RBBP6: variants seen among roughly 807,000 people sequenced by gnomAD.
RBBP6 encodes the protein E3 ubiquitin-protein ligase RBBP6.
A neutral mutation model predicts 167.7 loss-of-function variants in RBBP6; 25 were observed. The ratio of observed to expected loss-of-function variants is 0.15; its 90% CI spans 0.11 to 0.21. The LOEUF (loss-of-function observed/expected upper bound fraction) is 0.21, where lower values mean the gene tolerates loss of function less well. Ranked by LOEUF, RBBP6 falls within the 10% of genes least tolerant of loss-of-function variation. RBBP6 has a pLI of 1.00. For missense variants in RBBP6, 1,868 were observed against 2,134.2 expected (o/e 0.88, Z 2.46); for synonymous variants, 789 against 735.8 (o/e 1.07, Z -1.17).
chr16:24,545,258 G>A (rs1898614473), intron 1 of RBBP6, among the ~76,000 whole-genome samples: 1 of 152,086 alleles, frequency 6.6e-6, no homozygotes, highest in Non-Finnish European at 1.5e-5. Flanking sequence ...ATTTTTAGTA[G>A]AGATGGGGTT....
At chr16:24,561,761 T>C in intron 9 of RBBP6, 46 bp downstream of exon 9, 1 of 1,606,842 alleles carries the variant, frequency 6.2e-7, no homozygotes, top group Non-Finnish European at 8.5e-7. Context: ...TTTAACTGAT[T>C]TAACTGTACT....
At chr16:24,541,181 CAAAA>C (rs751954607) in intron 1 of RBBP6, among the ~76,000 whole-genome samples, 2 of 58,026 alleles carry the variant, frequency 3.4e-5, no homozygotes, top group African/African-American at 1.3e-4. Context: ...GTTCAATCAG[CAAAA>C]AAAAAAACAA....
chr16:24,552,055 G>T (rs1567272935), intron 3 of RBBP6, among the ~76,000 whole-genome samples: 1 of 151,734 alleles, frequency 6.6e-6, no homozygotes, highest in Non-Finnish European at 1.5e-5. Context: ...GGCAAATTAT[G>T]TAGATATGCA....
chr16:24,567,531 A>G (rs747066953), intron 15 of RBBP6, 26 bp downstream of exon 15: 3 of 1,562,898 alleles, frequency 1.9e-6, no homozygotes, highest in Non-Finnish European at 2.6e-6. Context: ...TGAAATTATT[A>G]TACACTTTTT....
At chr16:24,542,643 A>G (rs967258079) in intron 1 of RBBP6, among the ~76,000 whole-genome samples, 3 of 151,840 alleles carry the variant, frequency 2.0e-5, no homozygotes, top group African/African-American at 7.3e-5. Flanking sequence ...TTGTATTTTT[A>G]GTAGAGATGG....
chr16:24,553,953 TC>T (rs1898858536), intron 4 of RBBP6: 1 of 155,460 alleles, frequency 6.4e-6, no homozygotes, highest in African/African-American at 2.4e-5. Flanking sequence ...CATGGTTATT[TC>T]TTGAATATTT....
intron 7 of RBBP6, chr16:24,558,373 CCT>C (rs1898968490): frequency 1.5e-6 from 1 of 656,980 alleles, no homozygotes; most frequent in Non-Finnish European, 1.9e-6. Context: ...CCTCTGTTCT[CCT>C]CTTTTTTTCT....
chr16:24,570,905 G>A lies in RBBP6; in HGVS notation c.3839G>A (p.Arg1280Gln), dbSNP rs561499621. 1.0e-5 allele frequency: 16 copies of A among 1,579,170 alleles called. 1 individual carries two copies. Among genetic ancestry groups the A allele is most frequent in the South Asian group, 8.2e-5 (7 of 85,528 alleles). The change falls in exon 18 of 18, where the codon CGG (arginine) becomes CAG (glutamine). Residue 1280 changes from arginine to glutamine, a missense_variant. By Grantham distance (43) the Arg-to-Gln change is conservative. Around this residue, in one of 7 missense-constraint regions of RBBP6, gnomAD observed 673 missense variants for 691.5 expected, o/e 0.97. Transcript: ENST00000319715. ...AGCTCAACTGGAGGCAGTCCTGTGC[G>A]GAAATCTGAAGAAAAAACAGATACA... ...STSSTGGSPV[R>Q]KSEEKTDTKR... is the part of the protein sequence containing the mutation.
chr16:24,559,029 A>G (rs1898985647), intron 7 of RBBP6, among the ~76,000 whole-genome samples: 1 of 152,168 alleles, frequency 6.6e-6, no homozygotes. Flanking sequence ...CATTTACTCC[A>G]ATACCTTCAC....
chr16:24,559,408 C>G, intron 7 of RBBP6, 97 bp from the exon 8 acceptor site: 3 of 975,884 alleles, frequency 3.1e-6, no homozygotes, highest in Admixed American at 3.1e-5. Context: ...TTTGGCATTG[C>G]GCTGAATTAT....
rs141921137 is a variant in RBBP6, at chr16:24,571,377, A to G, written c.4311A>G (p.Gln1437=). Residue 1437 remains glutamine (Q), a synonymous_variant, in exon 18 of 18, where the codon CAA becomes CAG. Coordinates refer to ENST00000319715, the MANE Select transcript of RBBP6 (RefSeq NM_006910.5). The part of the protein sequence containing the change: ...KESNLDRLNE[Q]GNFKSLSQSS... The stretch of plus-strand genomic sequence containing the variant: ...GTAATTTGGACCGTCTGAATGAACA[A>G]GGAAATTTTAAAAGTCTGTCTCAAT... The G allele has an allele frequency of 3.7e-3, 6,001 of 1,614,068 alleles. 16 individuals are homozygous for G. The highest frequency in any genetic ancestry group is 4.5e-3 in the Non-Finnish European group (5,291 of 1,180,012).
At position 24,540,559 on chromosome 16, in the gene RBBP6, G is replaced by A. The variant is rs905364198; in HGVS notation, c.-68G>A. The A allele has an allele frequency of 6.8e-7, 1 of 1,471,908 alleles. No individual in the cohort carries two copies. The highest frequency in any genetic ancestry group is 9.2e-7 in the Non-Finnish European group (1 of 1,081,706). The allele number at this position is 1,471,908 out of a possible 1,614,324, so 91.2% of individuals were successfully genotyped here. A position where few individuals can be genotyped will look rare whatever the true frequency, so the allele number is the denominator to read the frequency against. ...TGTGTGTACATATTTTGCTCTTAAA[G>A]TTTATAAATATACGTATATTGAGAG... On this transcript the variant is annotated 5_prime_UTR_variant, in exon 1 of 18. Coordinates refer to ENST00000319715, the MANE Select transcript of RBBP6 (RefSeq NM_006910.5).
chr16:24,550,533 T>C (rs1377627582), intron 3 of RBBP6, among the ~76,000 whole-genome samples: 1 of 151,754 alleles, frequency 6.6e-6, no homozygotes, highest in Non-Finnish European at 1.5e-5. Context: ...TAAAGTACAG[T>C]TTATATAGTA....
intron 13 of RBBP6, among the ~76,000 whole-genome samples, chr16:24,564,309 A>G (rs1260410061): frequency 6.6e-6 from 1 of 152,230 alleles, no homozygotes; most frequent in African/African-American, 2.4e-5. Context: ...CAGTAGAAGG[A>G]ACATAGGATT....
intron 1 of RBBP6, among the ~76,000 whole-genome samples, chr16:24,543,953 T>C: frequency 6.6e-6 from 1 of 152,320 alleles, no homozygotes; most frequent in South Asian, 2.1e-4. Flanking sequence ...GCCAACAGAC[T>C]ACTTGTTAAG....
chr16:24,549,457 C>A, intron 3 of RBBP6: 1 of 867,590 alleles, frequency 1.2e-6, no homozygotes, highest in Non-Finnish European at 1.4e-6. Context: ...TTTTTTCCTG[C>A]CTGATTTATG....
intron 2 of RBBP6, among the ~76,000 whole-genome samples, chr16:24,547,013 C>G (rs1021148768): frequency 6.6e-6 from 1 of 152,166 alleles, no homozygotes. Flanking sequence ...TGCTTTCTTG[C>G]AATTTCAGTA....
At chr16:24,552,827 C>G (rs1183908147) in intron 3 of RBBP6, among the ~76,000 whole-genome samples, 17 of 151,802 alleles carry the variant, frequency 1.1e-4, no homozygotes, top group Non-Finnish European at 1.5e-5. Context: ...TTTATGTACA[C>G]TTGCTCTGTG....
chr16:24,563,465 C>G lies in RBBP6; in HGVS notation c.1429C>G (p.Gln477Glu). 6.2e-7 allele frequency: 1 copy of G among 1,611,862 alleles called. No individual in the cohort carries two copies. Among genetic ancestry groups the G allele is most frequent in the Non-Finnish European group, 8.5e-7 (1 of 1,179,676 alleles). The change falls in exon 12 of 18, where the codon CAG (glutamine) becomes GAG (glutamate). Residue 477 changes from glutamine to glutamate, a missense_variant. Gln to Glu is a conservative substitution (Grantham distance 29). Coordinates refer to ENST00000319715, the MANE Select transcript of RBBP6 (RefSeq NM_006910.5). ...PVLGTPSLLG[Q>E]SLLHGQLIPT... ...TCTTGGAACCCCATCTTTGCTTGGACAGTCATTATTGCATGGACAGTTGAT... is the reference window on the plus strand; with the variant it reads ...TCTTGGAACCCCATCTTTGCTTGGAGAGTCATTATTGCATGGACAGTTGAT...
Sources: gnomAD v4.1 joint callset for allele counts (sites outside exome capture counted in the v4.1 genomes callset) on GRCh38, gnomAD v4.1.1 for gene constraint, gnomAD v4.1.1 regional missense constraint, MANE v1.5 for transcripts, NCBI Gene and HGNC (gene_info 2026-07-23, HGNC 2026-07-21) for gene names.